Variants in PGPEP1L observed in about 807,000 individuals in gnomAD.
PGPEP1L encodes the protein pyroglutamyl-peptidase I like, also known as pyroglutamyl-peptidase 1-like protein.
A neutral mutation model predicts 6.0 loss-of-function variants in PGPEP1L; 7 were observed. The ratio of observed to expected loss-of-function variants is 1.17; its 90% CI spans 0.66 to 2.19. PGPEP1L has a LOEUF of 2.19. PGPEP1L is among the 30% of genes most tolerant of loss of function. The probability of loss-of-function intolerance (pLI) is 0.00; values close to 1 mark genes in which losing one functional copy is unlikely to be tolerated. For missense variants in PGPEP1L, 209 were observed against 192.5 expected (o/e 1.09, Z -0.51); for synonymous variants, 103 against 83.9 (o/e 1.23, Z -1.24).
At position 98,985,261 on chromosome 15, in the gene PGPEP1L, G is replaced by A. The variant is rs571814603; in HGVS notation, c.-141-14103C>T. Reference sequence around the variant, plus strand: ...CTACTAAGTTTTAAACCCACTGGCTGGGCACAGTGGCTCACACCTGTAATC... The same window carrying A: ...CTACTAAGTTTTAAACCCACTGGCTAGGCACAGTGGCTCACACCTGTAATC... On this transcript the variant is annotated intron_variant, in intron 2 of 4. Coordinates refer to ENST00000535714, the MANE Select transcript of PGPEP1L (RefSeq NM_001167902.2). 5.3e-5 allele frequency among the ~76,000 whole-genome samples: 8 copies of A among 152,258 alleles called. No homozygotes were observed. The East Asian group carries it at 1.2e-3, about 22-fold the overall frequency.
At chr15:99,000,667 GTATC>G (rs1484225142) in intron 2 of PGPEP1L, among the ~76,000 whole-genome samples, 4 of 152,132 alleles carry the variant, frequency 2.6e-5, no homozygotes, top group Admixed American at 6.5e-5. Context: ...TCCACACTCT[GTATC>G]TAACTAATCT....
In PGPEP1L at chr15:98,971,268, G is replaced by A. The variant is rs539666696; in HGVS notation, c.-141-110C>T. 1.5e-4 allele frequency: 199 copies of A among 1,369,476 alleles called. 2 individuals carry two copies. The highest frequency in any genetic ancestry group is 9.9e-5 in the South Asian group (7 of 70,652). 84.8% of individuals were successfully genotyped at this position (1,369,476 alleles called of 1,614,324 possible). ...TGGGGTCTACTTCCAGGGGTCTTCC[G>A]CAGCCTGGACTTTGCCCTCAAGGAG... On this transcript the variant is annotated intron_variant, in intron 2 of 4. Transcript: ENST00000535714.
chr15:98,987,852 G>T (rs2017769311), intron 2 of PGPEP1L, among the ~76,000 whole-genome samples: 1 of 152,076 alleles, frequency 6.6e-6, no homozygotes, highest in Non-Finnish European at 1.5e-5. Context: ...AAGCAGGGTG[G>T]GGCGCTGTCC....
At chr15:98,997,665 A>G (rs1321220533) in intron 2 of PGPEP1L, among the ~76,000 whole-genome samples, 1 of 152,200 alleles carries the variant, frequency 6.6e-6, no homozygotes, top group Non-Finnish European at 1.5e-5. Flanking sequence ...AGCTGCTTGT[A>G]CAAAGTGGCT....
chr15:99,005,578 G>C lies in PGPEP1L; in HGVS notation c.-291C>G, dbSNP rs1474768042. 6.6e-6 allele frequency: 1 copy of C among 152,318 alleles called. No homozygotes were observed. The highest frequency in any genetic ancestry group is 6.5e-5 in the Admixed American group (1 of 15,288). The allele number at this position is 152,318 out of a possible 1,614,324, so 9.4% of individuals were successfully genotyped here. ...CTCTGCCTGGCCGCGTGCTCGCCGG[G>C]GACCGGGGTGGAGCGGGAGCCCAAC... On this transcript the variant is annotated 5_prime_UTR_variant, in exon 2 of 5. Transcript: ENST00000535714.
intron 2 of PGPEP1L, among the ~76,000 whole-genome samples, chr15:98,993,342 A>T (rs2017843468): frequency 6.6e-6 from 1 of 152,214 alleles, no homozygotes; most frequent in Non-Finnish European, 1.5e-5. Flanking sequence ...AGAAACATAT[A>T]AAAAAGCTCA....
At chr15:98,994,749 CTG>C (rs2151763982) in intron 2 of PGPEP1L, among the ~76,000 whole-genome samples, 2 of 152,292 alleles carry the variant, frequency 1.3e-5, no homozygotes, top group East Asian at 3.9e-4. Context: ...TCCCTTAGCA[CTG>C]TGTCTTTTGA....
chr15:98,979,630 A>ATTT lies in PGPEP1L; in HGVS notation c.-141-8473_-141-8472insAAA, dbSNP rs1882033817. 1.3e-4 allele frequency among the ~76,000 whole-genome samples: 14 copies of ATTT among 105,924 alleles called. 3 individuals carry two copies. Among genetic ancestry groups the ATTT allele is most frequent in the African/African-American group, 2.7e-4 (7 of 26,310 alleles). 69.5% of individuals were successfully genotyped at this position (105,924 alleles called of 152,430 possible). On this transcript the variant is annotated intron_variant, in intron 2 of 4. Coordinates refer to ENST00000535714, the MANE Select transcript of PGPEP1L (RefSeq NM_001167902.2). ...AGCAACCTGGATGGGATTGGAGACT[A>ATTT]TTCTTTTTTTTTTTTTTTTTTTTTT...
chr15:98,974,078 T>C (rs2017534363), intron 2 of PGPEP1L, among the ~76,000 whole-genome samples: 1 of 151,820 alleles, frequency 6.6e-6, no homozygotes, highest in Non-Finnish European at 1.5e-5. Context: ...AACCAACAAA[T>C]TGGAAAATAT....
rs2151753183 is a variant in PGPEP1L at position 98,969,634 on chromosome 15, G to A, written c.-1C>T. The A allele has an allele frequency of 2.5e-6, 4 of 1,612,100 alleles. No individual in the cohort carries two copies. The highest frequency in any genetic ancestry group is 1.1e-5 in the South Asian group (1 of 91,066). Reference sequence around the variant, plus strand: ...TGATCGCCTTGGCGGCGGTGTCCATGCCCACATGCACGACGAGCTGTGTGA... The same window carrying A: ...TGATCGCCTTGGCGGCGGTGTCCATACCCACATGCACGACGAGCTGTGTGA... On this transcript the variant is annotated 5_prime_UTR_variant, in exon 4 of 5. Transcript: ENST00000535714.
chr15:98,973,045 C>T (rs1454372180), intron 2 of PGPEP1L, among the ~76,000 whole-genome samples: 2 of 151,848 alleles, frequency 1.3e-5, no homozygotes, highest in Non-Finnish European at 2.9e-5. Flanking sequence ...AACCAAAAAA[C>T]AGCAGGAGTA....
rs57923635 is a variant in PGPEP1L, at chr15:98,987,165, CAAAAAAAAA to C, written c.-141-16016_-141-16008del. 6.8e-3 allele frequency among the ~76,000 whole-genome samples: 227 copies of C among 33,380 alleles called. 2 individuals carry two copies. Among genetic ancestry groups the C allele is most frequent in the African/African-American group, 0.021 (188 of 8,782 alleles). The allele number at this position is 33,380 out of a possible 152,430, so 21.9% of individuals were successfully genotyped here. A position where few individuals can be genotyped will look rare whatever the true frequency, so the allele number is the denominator to read the frequency against. On this transcript the variant is annotated intron_variant, in intron 2 of 4. Coordinates refer to ENST00000535714, the MANE Select transcript of PGPEP1L (RefSeq NM_001167902.2). ...TGGGTGACAGAGTGAGACTCCATCT[CAAAAAAAAA>C]AAAAAAAAAAAAAAAAAAAAAGAGA...
chr15:98,979,411 G>A (rs865789932), intron 2 of PGPEP1L, among the ~76,000 whole-genome samples: 2 of 152,148 alleles, frequency 1.3e-5, no homozygotes, highest in African/African-American at 4.8e-5. Flanking sequence ...AGGAGGACAT[G>A]CACATAGCAA....
intron 2 of PGPEP1L, among the ~76,000 whole-genome samples, chr15:98,984,464 T>C (rs151259798): frequency 1.6e-3 from 244 of 152,270 alleles, no homozygotes; most frequent in Admixed American, 4.2e-3. Flanking sequence ...GGGGATATGT[T>C]ACACAGGACC....
chr15:98,977,274 CTTAGT>C (rs956099028), intron 2 of PGPEP1L, among the ~76,000 whole-genome samples: 102 of 152,204 alleles, frequency 6.7e-4, no homozygotes, highest in African/African-American at 1.6e-3. Flanking sequence ...CTTTCTTCTG[CTTAGT>C]TTAATTTGTT....
At chr15:99,000,806 GA>G (rs200067504) in intron 2 of PGPEP1L, among the ~76,000 whole-genome samples, 450 of 152,010 alleles carry the variant, frequency 3.0e-3, no homozygotes, top group Non-Finnish European at 5.1e-3. Flanking sequence ...CCAGATAAGA[GA>G]AAAAAAAGCA....
At chr15:98,997,850 T>G (rs1555472638) in intron 2 of PGPEP1L, among the ~76,000 whole-genome samples, 1 of 152,056 alleles carries the variant, frequency 6.6e-6, no homozygotes, top group Non-Finnish European at 1.5e-5. Flanking sequence ...GCGAACCTGC[T>G]CTGAGGACAC....
At chr15:99,005,229 CAG>C (rs1434863478) in intron 2 of PGPEP1L, among the ~76,000 whole-genome samples, 198 bp downstream of exon 2, 1 of 152,226 alleles carries the variant, frequency 6.6e-6, no homozygotes, top group Non-Finnish European at 1.5e-5. Context: ...GCCACAGAAG[CAG>C]AAATGCCTGT....
At chr15:98,969,774 A>C in intron 3 of PGPEP1L, 123 bp from the exon 4 acceptor site, 14 of 920,804 alleles carry the variant, frequency 1.5e-5, no homozygotes, top group Non-Finnish European at 1.8e-5. Flanking sequence ...CAAACCCCAA[A>C]TCCACTGGGA....
Sources: gnomAD v4.1 joint callset for allele counts (sites outside exome capture counted in the v4.1 genomes callset) on GRCh38, gnomAD v4.1.1 for gene constraint, MANE v1.5 for transcripts, NCBI Gene and HGNC (gene_info 2026-07-23, HGNC 2026-07-21) for gene names.